The following ATP11C variants were observed in gnomAD, a reference collection of about 807,000 sequenced individuals.
ATP11C encodes the protein ATPase phospholipid transporting 11C (ATP11C blood group).
In ATP11C, 36 loss-of-function variants were observed where a neutral mutation model predicts 97.4. The ratio of observed to expected loss-of-function variants is 0.37; its 90% confidence interval spans 0.28 to 0.49. ATP11C has a LOEUF of 0.49. ATP11C is among the 20% of genes least tolerant of loss of function. ATP11C has a pLI of 0.98. For missense variants in ATP11C, 730 were observed against 824.6 expected (o/e 0.89, Z 1.40); for synonymous variants, 275 against 290.9 (o/e 0.95, Z 0.56).
chrX:139,776,707 T>G (rs932106066), intron 18 of ATP11C, among the ~76,000 whole-genome samples: 7 of 111,177 alleles, frequency 6.3e-5, no homozygotes, highest in Non-Finnish European at 1.1e-4. Flanking sequence ...ACTCTTAAAC[T>G]CCATCTACCA....
In ATP11C at chrX:139,792,549, T is replaced by C. The variant is rs775852303; in HGVS notation, c.1207-3061A>G. Among the ~76,000 whole-genome samples, 167 of 111,200 alleles carry C rather than the reference T, an allele frequency of 1.5e-3. 1 individual carries two copies. Among genetic ancestry groups the C allele is most frequent in the African/African-American group, 5.1e-3 (155 of 30,658 alleles). ...GTCTTATGGGACTGAGCCCTCAACC[T>C]GTGAGATCTGACATGATACACTATC... On this transcript the variant is annotated intron_variant, in intron 12 of 29. Transcript: ENST00000682941.
At chrX:139,887,985 AAC>A (rs1556405229) in intron 1 of ATP11C, among the ~76,000 whole-genome samples, 2 of 106,017 alleles carry the variant, frequency 1.9e-5, no homozygotes, top group African/African-American at 7.3e-5. Flanking sequence ...AAAAAAAAAA[AAC>A]ACACACACAA....
At chrX:139,743,263 C>A (rs2081610070) in intron 26 of ATP11C, among the ~76,000 whole-genome samples, 1 of 109,955 alleles carries the variant, frequency 9.1e-6, no homozygotes, top group Admixed American at 9.8e-5. Context: ...ATCATAACGC[C>A]TTAAAAACAG....
At chrX:139,861,117 C>T (rs186195776) in intron 1 of ATP11C, among the ~76,000 whole-genome samples, 16 of 112,065 alleles carry the variant, frequency 1.4e-4, no homozygotes, top group East Asian at 5.6e-4. Flanking sequence ...ATAAGTAGTA[C>T]GGCAGCCTTA....
intron 5 of ATP11C, among the ~76,000 whole-genome samples, chrX:139,805,443 A>C (rs1301490568): frequency 8.9e-6 from 1 of 112,025 alleles, no homozygotes; most frequent in Non-Finnish European, 1.9e-5. Flanking sequence ...AGTACTGAGC[A>C]AAGTGCCTGG....
At chrX:139,915,685 A>C (rs2148148968) in intron 1 of ATP11C, among the ~76,000 whole-genome samples, 1 of 111,810 alleles carries the variant, frequency 8.9e-6, no homozygotes, top group South Asian at 3.7e-4. Context: ...AAAGAAAAAA[A>C]AATATTTGAT....
intron 28 of ATP11C, among the ~76,000 whole-genome samples, chrX:139,737,525 T>C (rs1228920346): frequency 1.8e-5 from 2 of 111,289 alleles, no homozygotes; most frequent in African/African-American, 6.5e-5. Context: ...ATTGGTATTA[T>C]CAACTGAAAA....
At chrX:139,866,839 T>C (rs2084295818) in intron 1 of ATP11C, among the ~76,000 whole-genome samples, 1 of 111,251 alleles carries the variant, frequency 9.0e-6, no homozygotes, top group African/African-American at 3.3e-5. Flanking sequence ...ATCCAACACT[T>C]TGGGAGGCCG....
At chrX:139,798,385 A>G (rs1292707801) in intron 9 of ATP11C, 31 bp from the exon 10 acceptor site, 2 of 1,091,208 alleles carry the variant, frequency 1.8e-6, no homozygotes, top group Non-Finnish European at 2.5e-6. Context: ...ATAAAAACTA[A>G]GAACTTGTCA....
intron 1 of ATP11C, among the ~76,000 whole-genome samples, chrX:139,913,269 A>G (rs996749917): frequency 8.9e-6 from 1 of 112,202 alleles, no homozygotes; most frequent in Non-Finnish European, 1.9e-5. Flanking sequence ...AGCATCAACA[A>G]AAATCCTCTC....
At chrX:139,745,629 A>G (rs1344656252) in intron 25 of ATP11C, 93 bp downstream of exon 25, 10 of 960,068 alleles carry the variant, frequency 1.0e-5, no homozygotes, top group Non-Finnish European at 1.4e-5. Context: ...AAATGATTAC[A>G]GCTAGAGTAT....
intron 10 of ATP11C, 99 bp downstream of exon 10, chrX:139,798,174 A>G: frequency 2.8e-6 from 2 of 705,271 alleles, no homozygotes; most frequent in Non-Finnish European, 2.2e-6. Flanking sequence ...AGTTGCTATT[A>G]TAATTGATGT....
At chrX:139,785,367 T>C in intron 15 of ATP11C, 68 bp from the exon 16 acceptor site, 1 of 788,362 alleles carries the variant, frequency 1.3e-6, no homozygotes, top group Non-Finnish European at 1.9e-6. Context: ...AACAGAAATA[T>C]GTTAAGATAT....
intron 18 of ATP11C, among the ~76,000 whole-genome samples, chrX:139,779,448 A>C (rs2082409910): frequency 8.9e-6 from 1 of 112,290 alleles, no homozygotes; most frequent in Non-Finnish European, 1.9e-5. Context: ...AGACCACATC[A>C]GTACATATAA....
chrX:139,726,871 A>C lies in ATP11C; in HGVS notation c.*2095T>G, dbSNP rs1372479415. On this transcript the variant is annotated 3_prime_UTR_variant, in exon 30 of 30. Transcript: ENST00000682941. ...TCTATTTCAAGTTATTCGATCTGCT[A>C]ACCCCACACTGGCCAGTTTTTAGCT... The C allele has an allele frequency of 8.9e-6, 1 of 111,744 alleles. No homozygotes were observed. Among genetic ancestry groups the C allele is most frequent in the Non-Finnish European group, 1.9e-5 (1 of 53,053 alleles). The allele number at this position is 111,744 out of a possible 1,213,427, so 9.2% of individuals were successfully genotyped here.
intron 6 of ATP11C, among the ~76,000 whole-genome samples, chrX:139,803,823 C>T (rs754495540): frequency 1.9e-5 from 2 of 103,942 alleles, no homozygotes; most frequent in Admixed American, 2.1e-4. Context: ...CTCAGCCTCC[C>T]GAGTAGCTGG....
At chrX:139,899,347 G>A (rs2084859304) in intron 1 of ATP11C, among the ~76,000 whole-genome samples, 1 of 110,079 alleles carries the variant, frequency 9.1e-6, no homozygotes, top group Non-Finnish European at 1.9e-5. Context: ...GCCAGGCGTG[G>A]TGGCGGGAAC....
intron 1 of ATP11C, among the ~76,000 whole-genome samples, chrX:139,883,183 T>C (rs1204143847): frequency 9.0e-6 from 1 of 111,024 alleles, no homozygotes; most frequent in Admixed American, 9.6e-5. Context: ...AATCTTAGAA[T>C]AGTGTTTAAC....
At chrX:139,768,935 G>A (rs1163773331) in intron 19 of ATP11C, among the ~76,000 whole-genome samples, 2 of 108,312 alleles carry the variant, frequency 1.8e-5, no homozygotes, top group Non-Finnish European at 3.8e-5. Context: ...TCCTAAGGCA[G>A]TAGCCTTAGC....
Sources: gnomAD v4.1 joint callset for allele counts (sites outside exome capture counted in the v4.1 genomes callset) on GRCh38, gnomAD v4.1.1 for gene constraint, MANE v1.5 for transcripts, NCBI Gene and HGNC (gene_info 2026-07-23, HGNC 2026-07-21) for gene names.